DYM: variants seen among roughly 807,000 people sequenced by gnomAD.
The protein encoded by DYM is dyggve-Melchior-Clausen syndrome protein.
DYM carries 78 observed loss-of-function variants against 93.1 expected under a neutral mutation model. That is an observed-to-expected ratio of 0.84 (90% CI 0.70 to 1.01). The LOEUF (loss-of-function observed/expected upper bound fraction) is 1.01. DYM is among the 50% of genes least tolerant of loss of function. The pLI is 0.00. For missense variants in DYM, 789 were observed against 845.0 expected (o/e 0.93, Z 0.82); for synonymous variants, 321 against 319.7 (o/e 1.00, Z -0.04).
chr18:49,354,099 G>C lies in DYM; in HGVS notation c.494+9062C>G, dbSNP rs192735559. 9.2e-5 allele frequency among the ~76,000 whole-genome samples: 14 copies of C among 152,130 alleles called. No homozygotes were observed. The East Asian group carries it at 2.7e-3, about 29-fold the overall frequency. On this transcript the variant is annotated intron_variant, in intron 6 of 17. Transcript: ENST00000675505. ...ATAAATAGATCAACAGAACAGAACT[G>C]AGCACTCAGAAACAGACCCACATAT...
At chr18:49,242,805 T>C (rs1241596180) in intron 13 of DYM, among the ~76,000 whole-genome samples, 1 of 152,182 alleles carries the variant, frequency 6.6e-6, no homozygotes. Flanking sequence ...GTTCACGCCA[T>C]TCTCCTGCCT....
At chr18:49,126,981 T>C (rs2082890030) in intron 15 of DYM, among the ~76,000 whole-genome samples, 1 of 152,234 alleles carries the variant, frequency 6.6e-6, no homozygotes. Flanking sequence ...AATAAGATTT[T>C]ATGGAAGACA....
At chr18:49,233,770 C>A (rs548132810) in intron 13 of DYM, among the ~76,000 whole-genome samples, 2 of 152,256 alleles carry the variant, frequency 1.3e-5, no homozygotes, top group Non-Finnish European at 2.9e-5. Context: ...TAAGTATGAT[C>A]CCATGGTGAA....
intron 13 of DYM, among the ~76,000 whole-genome samples, chr18:49,251,392 A>G (rs1443893875): frequency 6.6e-6 from 1 of 152,206 alleles, no homozygotes; most frequent in Non-Finnish European, 1.5e-5. Flanking sequence ...AGGGTCCAGT[A>G]AGATAGAATT....
intron 13 of DYM, 131 bp downstream of exon 13, chr18:49,256,879 G>T: frequency 1.3e-6 from 1 of 743,290 alleles, no homozygotes; most frequent in Non-Finnish European, 2.3e-6. Context: ...AACCAAACAA[G>T]AAGGTGATAA....
At chr18:49,287,516 A>T (rs1261139921) in intron 8 of DYM, among the ~76,000 whole-genome samples, 1 of 151,932 alleles carries the variant, frequency 6.6e-6, no homozygotes, top group East Asian at 1.9e-4. Context: ...ACATTAAGAC[A>T]AAAGAAAAAA....
Position 49,236,340 on chromosome 18 carries a change from T to C in DYM, c.1460+20670A>G, listed in dbSNP as rs375657732. On this transcript the variant is annotated intron_variant, in intron 13 of 17. Coordinates refer to ENST00000675505, the MANE Select transcript of DYM (RefSeq NM_001353214.3). Reference sequence around the variant, plus strand: ...TTAAAAATACAAAAAATTAGCAGGGTGTGGTGGCAGGCGCCTGTAGTCCTA... The same window carrying C: ...TTAAAAATACAAAAAATTAGCAGGGCGTGGTGGCAGGCGCCTGTAGTCCTA... Among the ~76,000 whole-genome samples, 20 of 151,764 alleles carry C rather than the reference T, an allele frequency of 1.3e-4. No individual in the cohort carries two copies. In the South Asian group the frequency reaches 4.2e-3, roughly 32 times the overall value.
At chr18:49,332,050 T>A in intron 7 of DYM, 44 bp from the exon 8 acceptor site, 1 of 1,571,486 alleles carries the variant, frequency 6.4e-7, no homozygotes, top group East Asian at 2.2e-5. Flanking sequence ...TTTATGGGAG[T>A]CATCTAATTC....
At chr18:49,234,084 G>A (rs893966658) in intron 13 of DYM, among the ~76,000 whole-genome samples, 2 of 151,934 alleles carry the variant, frequency 1.3e-5, no homozygotes, top group African/African-American at 4.8e-5. Flanking sequence ...AGCCGTGATC[G>A]CACCACTGCA....
intron 14 of DYM, among the ~76,000 whole-genome samples, chr18:49,195,073 T>C (rs1185845797): frequency 6.6e-6 from 1 of 152,178 alleles, no homozygotes. Context: ...TTCCCTTCTG[T>C]GCTCTTCTGC....
At chr18:49,203,195 G>C (rs1266864315) in intron 14 of DYM, among the ~76,000 whole-genome samples, 9 of 83,098 alleles carry the variant, frequency 1.1e-4, no homozygotes, top group Non-Finnish European at 2.4e-4. Flanking sequence ...TCAGCCCCCC[G>C]CCCGGCCAGC....
chr18:49,097,186 T>C (rs976770854), intron 17 of DYM: 5 of 601,928 alleles, frequency 8.3e-6, no homozygotes, highest in Non-Finnish European at 1.2e-5. Context: ...ATATGAATTA[T>C]AGTGCATGCC....
intron 17 of DYM, among the ~76,000 whole-genome samples, chr18:49,045,159 G>C (rs1260605231): frequency 1.3e-5 from 2 of 152,180 alleles, no homozygotes; most frequent in Non-Finnish European, 2.9e-5. Context: ...TGGGGAGAGA[G>C]GGGACAGGGT....
chr18:49,200,199 G>C (rs1445533042), intron 14 of DYM, among the ~76,000 whole-genome samples: 1 of 151,940 alleles, frequency 6.6e-6, no homozygotes, highest in Non-Finnish European at 1.5e-5. Flanking sequence ...GTGGTTGGGA[G>C]GAGGGTAGAG....
chr18:49,261,118 G>A (rs1002495712), intron 11 of DYM, among the ~76,000 whole-genome samples: 1 of 152,082 alleles, frequency 6.6e-6, no homozygotes, highest in African/African-American at 2.4e-5. Flanking sequence ...AATGAGAAGG[G>A]AGTACAGAAA....
intron 13 of DYM, among the ~76,000 whole-genome samples, chr18:49,249,496 T>A (rs560963839): frequency 7.2e-5 from 11 of 152,240 alleles, no homozygotes; most frequent in African/African-American, 2.6e-4. Flanking sequence ...GGAACAGAAG[T>A]GAGGAAGCCT....
At chr18:49,166,535 T>C (rs2087897859) in intron 14 of DYM, among the ~76,000 whole-genome samples, 1 of 151,936 alleles carries the variant, frequency 6.6e-6, no homozygotes, top group Non-Finnish European at 1.5e-5. Context: ...TAAGAGTAAC[T>C]GAACATAATA....
intron 13 of DYM, among the ~76,000 whole-genome samples, chr18:49,214,147 C>T (rs537176044): frequency 1.3e-5 from 2 of 152,280 alleles, no homozygotes; most frequent in African/African-American, 4.8e-5. Context: ...TCTCATAGAA[C>T]CAGGGTTCCC....
chr18:49,327,489 G>A (rs985183155), intron 8 of DYM, among the ~76,000 whole-genome samples: 5 of 151,882 alleles, frequency 3.3e-5, no homozygotes, highest in Non-Finnish European at 2.9e-5. Context: ...CCTAAGTAGC[G>A]GGGTCTGCAG....
Sources: gnomAD v4.1 joint callset for allele counts (sites outside exome capture counted in the v4.1 genomes callset) on GRCh38, gnomAD v4.1.1 for gene constraint, MANE v1.5 for transcripts, NCBI Gene and HGNC (gene_info 2026-07-23, HGNC 2026-07-21) for gene names.